PMFBP1: variants seen among roughly 807,000 people sequenced by gnomAD.
PMFBP1 encodes the protein polyamine modulated factor 1 binding protein 1.
In PMFBP1, 131 loss-of-function variants were observed where a neutral mutation model predicts 137.8. That is an observed-to-expected ratio of 0.95 (90% confidence interval 0.82 to 1.10). The LOEUF (loss-of-function observed/expected upper bound fraction) is 1.10. Among genes scored for constraint, PMFBP1 ranks in the 50% least tolerant of loss-of-function variants. The probability of loss-of-function intolerance (pLI) is 0.00; values close to 1 mark genes in which losing one functional copy is unlikely to be tolerated. For missense variants in PMFBP1, 1,199 were observed against 1,175.4 expected (o/e 1.02, Z -0.29); for synonymous variants, 490 against 450.4 (o/e 1.09, Z -1.11).
At position 72,150,769 on chromosome 16, in the gene PMFBP1, A is replaced by C. The variant is rs1469941674; in HGVS notation, c.475T>G (p.Leu159Val). The C allele has an allele frequency of 6.2e-7, 1 of 1,614,016 alleles. No homozygotes were observed. Among genetic ancestry groups the C allele is most frequent in the African/African-American group, 1.3e-5 (1 of 74,918 alleles). Reference protein sequence around the residue: ...HNENTGEKLHLAQEQLALAGD... With the variant: ...HNENTGEKLHVAQEQLALAGD... ...GCCAAGGCGAGTTGCTCCTGCGCCA[A>C]ATGGAGCTTCTCCCCTGTGTTCTCG... Residue 159 changes from leucine to valine, a missense_variant, in exon 5 of 21, where the codon TTG becomes GTG. Coordinates refer to ENST00000237353, the MANE Select transcript of PMFBP1 (RefSeq NM_031293.3).
At chr16:72,204,016 G>C in the PMFBP1 span, among the ~76,000 whole-genome samples, 8 of 152,104 alleles carry the variant, frequency 5.3e-5, no homozygotes, top group Non-Finnish European at 1.0e-4. Flanking sequence ...CCACGCTCAT[G>C]TCCTTCCCGC....
chr16:72,166,633 G>A (rs1312553164), intron 2 of PMFBP1, among the ~76,000 whole-genome samples: 2 of 152,180 alleles, frequency 1.3e-5, no homozygotes, highest in Non-Finnish European at 2.9e-5. Flanking sequence ...ACCAAGTATA[G>A]GTACATTTTC....
intron 2 of PMFBP1, 54 bp downstream of exon 2, chr16:72,171,143 G>C: frequency 6.3e-7 from 1 of 1,580,710 alleles, no homozygotes; most frequent in Non-Finnish European, 8.7e-7. Context: ...CATGAAAAAA[G>C]TCCCTTGTAA....
At chr16:72,240,156 A>G in the PMFBP1 span, among the ~76,000 whole-genome samples, 2 of 152,330 alleles carry the variant, frequency 1.3e-5, no homozygotes, top group East Asian at 3.9e-4. Flanking sequence ...AACAGGTCAT[A>G]TCAGGTAGAC....
chr16:72,136,379 C>T (rs1163577706), intron 9 of PMFBP1, 69 bp downstream of exon 9: 1 of 1,542,954 alleles, frequency 6.5e-7, no homozygotes, highest in South Asian at 1.2e-5. Flanking sequence ...GAAGGCAGAA[C>T]CGGTTAATGC....
chr16:72,135,736 TTC>T (rs1440862364), intron 9 of PMFBP1, among the ~76,000 whole-genome samples: 7,507 of 141,724 alleles, frequency 0.053, 349 homozygotes, highest in Non-Finnish European at 0.086. Context: ...TTTTTAATTT[TTC>T]TGTTTTTTTT....
At chr16:72,174,675 G>A (rs1463757000), upstream of PMFBP1, among the ~76,000 whole-genome samples, 28 of 152,312 alleles carry the variant, frequency 1.8e-4, no homozygotes, top group Admixed American at 1.8e-3. Context: ...TACAATCTTG[G>A]CAGACAGCAC....
the PMFBP1 span, among the ~76,000 whole-genome samples, chr16:72,185,268 C>T: frequency 6.6e-6 from 1 of 152,116 alleles, no homozygotes; most frequent in Non-Finnish European, 1.5e-5. Flanking sequence ...AAGTGATCCA[C>T]CCAGCTTGGC....
At chr16:72,211,327 A>T in the PMFBP1 span, among the ~76,000 whole-genome samples, 4 of 152,188 alleles carry the variant, frequency 2.6e-5, no homozygotes, top group Non-Finnish European at 5.9e-5. Context: ...TCTGTCCCCC[A>T]GGCAGAAAAC....
the PMFBP1 span, among the ~76,000 whole-genome samples, chr16:72,196,441 C>T: frequency 6.6e-6 from 1 of 152,144 alleles, no homozygotes; most frequent in East Asian, 1.9e-4. Context: ...CAACCTCTGA[C>T]ATGTGCAGTT....
At chr16:72,126,158 C>G (rs1262007342) in intron 14 of PMFBP1, 26 bp from the exon 15 acceptor site, 4 of 1,610,848 alleles carry the variant, frequency 2.5e-6, no homozygotes, top group Non-Finnish European at 2.5e-6. Context: ...GCAGAACTGT[C>G]AGGGTGCCAG....
chr16:72,212,175 C>A, the PMFBP1 span, among the ~76,000 whole-genome samples: 19 of 152,002 alleles, frequency 1.2e-4, no homozygotes, highest in African/African-American at 4.6e-4. Flanking sequence ...CACCCTATCA[C>A]TTTTATCATA....
the PMFBP1 span, among the ~76,000 whole-genome samples, chr16:72,217,770 T>G: frequency 1.3e-5 from 2 of 152,234 alleles, no homozygotes; most frequent in East Asian, 3.9e-4. Context: ...GGAGAATTGC[T>G]TGAACTCGGG....
At chr16:72,131,440 C>A (rs2042547954) in intron 10 of PMFBP1, among the ~76,000 whole-genome samples, 1 of 152,158 alleles carries the variant, frequency 6.6e-6, no homozygotes, top group Non-Finnish European at 1.5e-5. Context: ...AATTGGAATA[C>A]ATTAGAATAG....
At chr16:72,183,358 G>T in the PMFBP1 span, among the ~76,000 whole-genome samples, 1 of 152,154 alleles carries the variant, frequency 6.6e-6, no homozygotes, top group East Asian at 1.9e-4. Context: ...GTGTTGGTGG[G>T]GTTGGTTCCT....
At chr16:72,244,682 A>C in the PMFBP1 span, among the ~76,000 whole-genome samples, 2 of 152,234 alleles carry the variant, frequency 1.3e-5, no homozygotes, top group African/African-American at 2.4e-5. Context: ...AGGATGACCA[A>C]ATCTCCTACT....
the PMFBP1 span, among the ~76,000 whole-genome samples, chr16:72,201,462 T>C: frequency 6.6e-6 from 1 of 152,228 alleles, no homozygotes; most frequent in South Asian, 2.1e-4. Flanking sequence ...TCAGTTAAAA[T>C]CCTGTATGCC....
chr16:72,205,007 G>A, the PMFBP1 span, among the ~76,000 whole-genome samples: 1 of 152,286 alleles, frequency 6.6e-6, no homozygotes, highest in East Asian at 1.9e-4. Flanking sequence ...TAGCCTGGTG[G>A]GCACACAGGC....
the PMFBP1 span, among the ~76,000 whole-genome samples, chr16:72,203,933 C>G: frequency 6.6e-6 from 1 of 152,196 alleles, no homozygotes; most frequent in Admixed American, 6.5e-5. Context: ...GGGGTCCTAC[C>G]TCAGCCTCAG....
Sources: allele counts gnomAD v4.1 joint callset (sites outside exome capture counted in the v4.1 genomes callset), GRCh38; gene constraint gnomAD v4.1.1; transcripts MANE v1.5; gene names NCBI Gene and HGNC (gene_info 2026-07-23, HGNC 2026-07-21).